HADH: variants seen among roughly 807,000 people sequenced by gnomAD.
HADH encodes the protein hydroxyacyl-coenzyme A dehydrogenase, mitochondrial.
HADH carries 24 observed loss-of-function variants against 32.2 expected under a neutral mutation model. The ratio of observed to expected loss-of-function variants is 0.75; its 90% CI spans 0.54 to 1.05. The LOEUF (loss-of-function observed/expected upper bound fraction) is 1.05, where lower values mean the gene tolerates loss of function less well. Among genes scored for constraint, HADH ranks in the 50% least tolerant of loss-of-function variants. The pLI is 0.00. For synonymous variants in HADH, 139 were observed against 152.5 expected (o/e 0.91, Z 0.65); for missense variants, 350 against 397.1 (o/e 0.88, Z 1.01).
At chr4:108,019,902 A>G (rs1735826634) in intron 4 of HADH, among the ~76,000 whole-genome samples, 1 of 152,110 alleles carries the variant, frequency 6.6e-6, no homozygotes, top group Non-Finnish European at 1.5e-5. Flanking sequence ...TCATTTACTT[A>G]TTTGTGCCAG....
chr4:108,030,908 T>G (rs527729836), intron 6 of HADH: 91 of 152,364 alleles, frequency 6.0e-4, no homozygotes, highest in African/African-American at 2.2e-3. Context: ...ACACGATCTT[T>G]AGAGTTGGGC....
rs1734715892 is a variant in HADH, at chr4:107,989,893, C to T, written c.-40C>T. 2 of 1,605,376 alleles carry T rather than the reference C, an allele frequency of 1.2e-6. No homozygotes were observed. Among genetic ancestry groups the T allele is most frequent in the Non-Finnish European group, 1.7e-6 (2 of 1,177,386 alleles). ...GCGGCTGCCCGCCTCGCGCGTCTTC[C>T]CTGCCCGGGTCTCCTCGCTGTCGCC... On this transcript the variant is annotated 5_prime_UTR_variant, in exon 1 of 8. Transcript: ENST00000309522.
intron 2 of HADH, among the ~76,000 whole-genome samples, chr4:108,013,095 G>A (rs1335990682): frequency 6.6e-6 from 1 of 152,172 alleles, no homozygotes; most frequent in African/African-American, 2.4e-5. Flanking sequence ...ACCACGCCCA[G>A]CAAATTTTTG....
chr4:108,006,243 G>A (rs148146567), intron 1 of HADH, among the ~76,000 whole-genome samples: 242 of 152,250 alleles, frequency 1.6e-3, no homozygotes, highest in African/African-American at 5.6e-3. Context: ...CTTTCAGAGA[G>A]CAACAGGAAG....
intron 1 of HADH, among the ~76,000 whole-genome samples, chr4:107,992,807 T>C (rs1340720046): frequency 1.3e-5 from 2 of 152,192 alleles, no homozygotes; most frequent in Non-Finnish European, 2.9e-5. Context: ...CACAGAAAGT[T>C]AGCTGCCTTT....
At chr4:108,016,541 G>A (rs762270299) in intron 3 of HADH, among the ~76,000 whole-genome samples, 3 of 152,146 alleles carry the variant, frequency 2.0e-5, no homozygotes, top group Non-Finnish European at 4.4e-5. Flanking sequence ...GAGCCCTCTG[G>A]GATAATAAAC....
chr4:108,012,301 G>A (rs6533336), intron 2 of HADH, among the ~76,000 whole-genome samples: 151,946 of 152,350 alleles, frequency 1, 75,774 homozygotes, highest in Middle Eastern at 1. Flanking sequence ...AATAATAAAT[G>A]TCACAGGCAG....
At chr4:108,031,658 G>A (rs1736268135) in intron 6 of HADH, 1 of 152,148 alleles carries the variant, frequency 6.6e-6, no homozygotes, top group Admixed American at 6.5e-5. Flanking sequence ...CTGGCAGTGT[G>A]AGTAAATCTC....
intron 4 of HADH, 34 bp from the exon 5 acceptor site, chr4:108,023,440 A>G: frequency 1.5e-6 from 2 of 1,310,928 alleles, no homozygotes; most frequent in Non-Finnish European, 2.2e-6. Flanking sequence ...GCTTGCTGAC[A>G]CTCTGGTCAT....
At chr4:108,022,902 A>G (rs891424311) in intron 4 of HADH, among the ~76,000 whole-genome samples, 5 of 152,272 alleles carry the variant, frequency 3.3e-5, no homozygotes, top group Admixed American at 2.0e-4. Context: ...TGTCTCAACA[A>G]CAAAGCCTGT....
chr4:108,022,205 G>GTA (rs1466303352), intron 4 of HADH, among the ~76,000 whole-genome samples: 1 of 147,460 alleles, frequency 6.8e-6, no homozygotes, highest in African/African-American at 2.7e-5. Flanking sequence ...GTGTGTATGT[G>GTA]TGTGTGTGTG....
chr4:108,017,772 C>G (rs1310162793), intron 3 of HADH, among the ~76,000 whole-genome samples: 1 of 152,160 alleles, frequency 6.6e-6, no homozygotes, highest in Non-Finnish European at 1.5e-5. Context: ...TCGTCTCGAA[C>G]TCCTGACTTC....
intron 3 of HADH, among the ~76,000 whole-genome samples, chr4:108,015,650 A>G (rs1172450640): frequency 6.6e-6 from 1 of 152,144 alleles, no homozygotes; most frequent in Non-Finnish European, 1.5e-5. Context: ...TTGCTTCTGA[A>G]GCTTGGGCTG....
rs370803045 is a variant in HADH at position 108,034,397 on chromosome 4, G to A, written c.*40G>A. 1.7e-5 allele frequency: 20 copies of A among 1,206,870 alleles called. No individual in the cohort carries two copies. The highest frequency in any genetic ancestry group is 5.0e-5 in the Admixed American group (3 of 59,464). 74.8% of individuals were successfully genotyped at this position (1,206,870 alleles called of 1,614,324 possible). A position where few individuals can be genotyped will look rare whatever the true frequency, so the allele number is the denominator to read the frequency against. On this transcript the variant is annotated 3_prime_UTR_variant, in exon 8 of 8. Transcript: ENST00000309522. ...GGCTCTGAGAAGAACACCTGAGAGC[G>A]CTTTCCAGCCAGTGCCCCGAGTGCC...
rs151088592 is a variant in HADH, at chr4:108,017,744, G to A, written c.420-1796G>A. The stretch of plus-strand genomic sequence containing the variant: ...TAATTTTTGTATTTTTAGTAGAGAC[G>A]GGGCATGTTGGCCAGGCTCGTCTCG... On this transcript the variant is annotated intron_variant, in intron 3 of 7. Transcript: ENST00000309522. Among the ~76,000 whole-genome samples the A allele has an allele frequency of 2.1e-3, 314 of 152,086 alleles. 1 individual carries two copies. Among genetic ancestry groups the A allele is most frequent in the African/African-American group, 7.0e-3 (291 of 41,484 alleles).
chr4:107,991,659 T>TA (rs1291241100), intron 1 of HADH, among the ~76,000 whole-genome samples: 2 of 152,160 alleles, frequency 1.3e-5, no homozygotes, highest in East Asian at 3.9e-4. Context: ...CTGGGAGGAG[T>TA]AACTCCCTTT....
intron 7 of HADH, among the ~76,000 whole-genome samples, chr4:108,033,916 C>T (rs112246586): frequency 8.5e-4 from 130 of 152,364 alleles, no homozygotes; most frequent in African/African-American, 3.0e-3. Context: ...AGTGATGAAT[C>T]CAACCAGCAA....
rs1026544530 is a variant in HADH, at chr4:108,023,380, C to G, written c.547-94C>G. On this transcript the variant is annotated intron_variant, in intron 4 of 7. Transcript: ENST00000309522. ...CTGAAACTCAAACTATTTTTGTTGC[C>G]TATATGGAGCCTTTTGATCAATCAT... is the stretch of plus-strand genomic sequence containing the variant. 3.8e-6 allele frequency: 3 copies of G among 781,502 alleles called. No individual in the cohort carries two copies. The South Asian group carries it at 4.2e-5, about 11-fold the overall frequency. The allele number at this position is 781,502 out of a possible 1,614,324, so 48.4% of individuals were successfully genotyped here. A position where few individuals can be genotyped will look rare whatever the true frequency, so the allele number is the denominator to read the frequency against.
At chr4:107,991,190 C>T (rs1734791172) in intron 1 of HADH, among the ~76,000 whole-genome samples, 1 of 151,888 alleles carries the variant, frequency 6.6e-6, no homozygotes, top group African/African-American at 2.4e-5. Context: ...TTTCAGCTCA[C>T]ATTGGAGAAC....
Sources: gnomAD v4.1 joint callset for allele counts (sites outside exome capture counted in the v4.1 genomes callset) on GRCh38, gnomAD v4.1.1 for gene constraint, MANE v1.5 for transcripts, NCBI Gene and HGNC (gene_info 2026-07-23, HGNC 2026-07-21) for gene names.